Variants in INPP5A observed in about 807,000 individuals in gnomAD.
The protein encoded by INPP5A is inositol polyphosphate-5-phosphatase A, also known as 43 kDa inositol polyphosphate 5-phophatase.
A neutral mutation model predicts 65.2 loss-of-function variants in INPP5A; 14 were observed. The ratio of observed to expected loss-of-function variants is 0.21; its 90% CI spans 0.14 to 0.34. The LOEUF (loss-of-function observed/expected upper bound fraction) is 0.34, where lower values mean the gene tolerates loss of function less well. INPP5A is among the 10% of genes least tolerant of loss of function. The pLI is 1.00. For missense variants in INPP5A, 431 were observed against 545.6 expected (o/e 0.79, Z 2.09); for synonymous variants, 207 against 208.3 (o/e 0.99, Z 0.05).
At chr10:132,669,521 G>A (rs576261890) in intron 4 of INPP5A, among the ~76,000 whole-genome samples, 3 of 152,190 alleles carry the variant, frequency 2.0e-5, no homozygotes, top group Non-Finnish European at 2.9e-5. Flanking sequence ...ACAGCTGCTC[G>A]AGGAGGCCCC....
At chr10:132,582,193 A>G (rs1277379970) in intron 1 of INPP5A, among the ~76,000 whole-genome samples, 3 of 151,984 alleles carry the variant, frequency 2.0e-5, no homozygotes, top group African/African-American at 7.3e-5. Flanking sequence ...TGATTCTTCT[A>G]TGGTTCTCGC....
chr10:132,780,555 G>A (rs907048383), intron 13 of INPP5A, among the ~76,000 whole-genome samples: 6 of 152,366 alleles, frequency 3.9e-5, no homozygotes, highest in African/African-American at 1.4e-4. Context: ...TGGGAGCCGG[G>A]CCAGCACCCG....
chr10:132,594,437 A>G (rs2071658263), intron 1 of INPP5A, among the ~76,000 whole-genome samples: 1 of 152,142 alleles, frequency 6.6e-6, no homozygotes, highest in African/African-American at 2.4e-5. Flanking sequence ...TCCTGTAGCA[A>G]CGGCCTAGGT....
intron 1 of INPP5A, among the ~76,000 whole-genome samples, chr10:132,565,072 T>C (rs1254711295): frequency 3.3e-5 from 5 of 152,254 alleles, no homozygotes; most frequent in Non-Finnish European, 2.9e-5. Context: ...AGTGAGATGG[T>C]ACATATCTAA....
intron 2 of INPP5A, among the ~76,000 whole-genome samples, chr10:132,615,366 T>G (rs2072017097): frequency 6.6e-6 from 1 of 152,186 alleles, no homozygotes; most frequent in Non-Finnish European, 1.5e-5. Flanking sequence ...TGGAAGCACA[T>G]GGGATGCTGT....
chr10:132,645,161 A>G (rs962062174), intron 2 of INPP5A, among the ~76,000 whole-genome samples: 1 of 151,458 alleles, frequency 6.6e-6, no homozygotes, highest in Non-Finnish European at 1.5e-5. Context: ...TGCTTGAGTC[A>G]GAATCCTTGC....
chr10:132,778,069 T>C (rs887524908), intron 13 of INPP5A, among the ~76,000 whole-genome samples: 1 of 152,202 alleles, frequency 6.6e-6, no homozygotes, highest in Admixed American at 6.5e-5. Context: ...AGGAAGTGTT[T>C]TCAAATCGTG....
intron 9 of INPP5A, among the ~76,000 whole-genome samples, chr10:132,728,211 C>T (rs1187347689): frequency 6.6e-6 from 1 of 152,206 alleles, no homozygotes; most frequent in African/African-American, 2.4e-5. Flanking sequence ...GAAGGCAGGG[C>T]CTCTGCGTGT....
rs2070974874 is a variant in INPP5A at position 132,546,564 on chromosome 10, T to C, written c.75+8393T>C. Among the ~76,000 whole-genome samples the C allele has an allele frequency of 6.6e-6, 1 of 152,100 alleles. No individual in the cohort carries two copies. The highest frequency in any genetic ancestry group is 2.4e-5 in the African/African-American group (1 of 41,420). On this transcript the variant is annotated intron_variant, in intron 1 of 15. Transcript: ENST00000368594. The surrounding 1 kb of genome is among the most constrained non-coding windows in gnomAD (Gnocchi z 5.7). Reference sequence around the variant, plus strand: ...GCTCCCCCTTCTCTCTTGGAAGGTGTAAGGGCTTAGTAGGGCTGCCTCGGC... The same window carrying C: ...GCTCCCCCTTCTCTCTTGGAAGGTGCAAGGGCTTAGTAGGGCTGCCTCGGC...
At position 132,707,593 on chromosome 10, in the gene INPP5A, A is replaced by AC. The variant is rs1218687116; in HGVS notation, c.475-718dup. Among the ~76,000 whole-genome samples, 1 of 152,116 alleles carries AC rather than the reference A, an allele frequency of 6.6e-6. No individual in the cohort carries two copies. The highest frequency in any genetic ancestry group is 1.9e-4 in the East Asian group (1 of 5,194). On this transcript the variant is annotated intron_variant, in intron 6 of 15. Transcript: ENST00000368594. This position sits in a 1 kb window ranked among gnomAD's most constrained non-coding sequence, Gnocchi z 5.5. Reference sequence around the variant, plus strand: ...ACTGGGTGGCCCAGCAGAGGAACCTACCATGGTGGGAGGTGGGAGGGCAGG... The same window carrying AC: ...ACTGGGTGGCCCAGCAGAGGAACCTACCCATGGTGGGAGGTGGGAGGGCAGG...
intron 12 of INPP5A, among the ~76,000 whole-genome samples, chr10:132,769,732 G>A (rs112521662): frequency 1.3e-4 from 20 of 152,206 alleles, no homozygotes; most frequent in African/African-American, 4.6e-4. Context: ...CTCCCCAGAC[G>A]CCAAGGCCCT....
At chr10:132,745,110 C>T (rs1401064936) in intron 9 of INPP5A, among the ~76,000 whole-genome samples, 1 of 152,192 alleles carries the variant, frequency 6.6e-6, no homozygotes, top group Non-Finnish European at 1.5e-5. Flanking sequence ...TCTGGGAGGG[C>T]CTGGGGACAC....
Position 132,674,385 on chromosome 10 carries a change from C to T in INPP5A, c.307-16007C>T, listed in dbSNP as rs191136185. 3.5e-3 allele frequency among the ~76,000 whole-genome samples: 530 copies of T among 152,332 alleles called. 2 individuals carry two copies. Among genetic ancestry groups the T allele is most frequent in the Non-Finnish European group, 5.5e-3 (376 of 68,032 alleles). On this transcript the variant is annotated intron_variant, in intron 4 of 15. Transcript: ENST00000368594. The surrounding 1 kb of genome is among the most constrained non-coding windows in gnomAD (Gnocchi z 4.4). The stretch of plus-strand genomic sequence containing the variant: ...GCCCACTGGGAAGATTTCCCTTCAC[C>T]GCTGTCCTTCAGGAATGTCCTAGAA...
At chr10:132,595,275 G>A (rs964501496) in intron 1 of INPP5A, among the ~76,000 whole-genome samples, 9 of 152,244 alleles carry the variant, frequency 5.9e-5, no homozygotes, top group African/African-American at 1.7e-4. Context: ...TCTGCAGGTG[G>A]CCATGTGGGC....
intron 4 of INPP5A, among the ~76,000 whole-genome samples, chr10:132,687,145 A>G (rs1463617776): frequency 6.6e-6 from 1 of 152,098 alleles, no homozygotes; most frequent in Non-Finnish European, 1.5e-5. Context: ...GGGTTTCACC[A>G]TGTTGGCCAG....
chr10:132,556,485 A>G (rs1044222103), intron 1 of INPP5A, among the ~76,000 whole-genome samples: 1 of 152,190 alleles, frequency 6.6e-6, no homozygotes, highest in African/African-American at 2.4e-5. Flanking sequence ...CTTGCACACC[A>G]CAGGCACACA....
intron 4 of INPP5A, among the ~76,000 whole-genome samples, chr10:132,679,315 G>C (rs1040349291): frequency 1.3e-5 from 2 of 152,206 alleles, no homozygotes; most frequent in African/African-American, 2.4e-5. Context: ...AGCTGGAGGA[G>C]GGTGAGGGTG....
Position 132,754,589 on chromosome 10 carries a change from A to C in INPP5A, c.903+4744A>C, listed in dbSNP as rs1224584999. 3.3e-5 allele frequency among the ~76,000 whole-genome samples: 5 copies of C among 152,212 alleles called. No individual in the cohort carries two copies. The East Asian group carries it at 9.6e-4, about 29-fold the overall frequency. ...GGTTCAAGTTCACTTCAAACCACAC[A>C]CGAATTTCCTTTTATTTTTACTTTG... On this transcript the variant is annotated intron_variant, in intron 11 of 15. Coordinates refer to ENST00000368594, the MANE Select transcript of INPP5A (RefSeq NM_005539.5).
chr10:132,633,131 C>A (rs1005345181), intron 2 of INPP5A, among the ~76,000 whole-genome samples: 1 of 152,100 alleles, frequency 6.6e-6, no homozygotes, highest in South Asian at 2.1e-4. Flanking sequence ...ACAAAGGTGC[C>A]CTGTCCCTGG....
Sources: gnomAD v4.1 joint callset for allele counts (sites outside exome capture counted in the v4.1 genomes callset) on GRCh38, gnomAD v4.1.1 for gene constraint, Gnocchi (gnomAD v3.1) non-coding constraint, MANE v1.5 for transcripts, NCBI Gene and HGNC (gene_info 2026-07-23, HGNC 2026-07-21) for gene names.